Variants in ARHGAP19 observed in about 807,000 individuals in gnomAD.
The protein encoded by ARHGAP19 is Rho GTPase activating protein 19, also known as rho GTPase-activating protein 19.
Under a neutral mutation model 60.9 loss-of-function variants are expected in ARHGAP19, and 48 were observed. That is an observed-to-expected ratio of 0.79 (90% CI 0.62 to 1.00). The LOEUF (loss-of-function observed/expected upper bound fraction) is 1.00. Ranked by LOEUF, ARHGAP19 falls within the 50% of genes least tolerant of loss-of-function variation. The pLI is 0.00. For missense variants in ARHGAP19, 562 were observed against 597.2 expected, an observed-to-expected ratio of 0.94 and a Z score of 0.61; for synonymous variants, 209 against 215.5, an observed-to-expected ratio of 0.97 and a Z score of 0.27.
At chr10:97,228,350 C>T (rs919440282) in intron 11 of ARHGAP19, among the ~76,000 whole-genome samples, 1 of 152,212 alleles carries the variant, frequency 6.6e-6, no homozygotes, top group African/African-American at 2.4e-5. Context: ...CCGTTTTCTA[C>T]AGTAACAACT....
chr10:97,251,156 A>G (rs1842640717), intron 6 of ARHGAP19, among the ~76,000 whole-genome samples: 1 of 104,048 alleles, frequency 9.6e-6, no homozygotes, highest in African/African-American at 3.7e-5. Context: ...GGGGAAAGCC[A>G]AGGGGAAGGG....
chr10:97,264,181 A>G (rs1251071171), intron 3 of ARHGAP19, among the ~76,000 whole-genome samples: 1 of 152,164 alleles, frequency 6.6e-6, no homozygotes, highest in African/African-American at 2.4e-5. Flanking sequence ...GCCAGGCTCA[A>G]TGGCTCACGC....
intron 1 of ARHGAP19, among the ~76,000 whole-genome samples, chr10:97,271,852 T>A (rs1489148466): frequency 1.3e-5 from 2 of 151,868 alleles, no homozygotes; most frequent in Non-Finnish European, 2.9e-5. Flanking sequence ...CAAATACTTA[T>A]CAAAAATTTT....
In ARHGAP19 at chr10:97,229,344, G is replaced by C. The variant is rs922279773; in HGVS notation, c.1396-119C>G. On this transcript the variant is annotated intron_variant, in intron 10 of 11. Transcript: ENST00000358531. ...TGTGAAGAGTTTTTCTGAGACTGATGTATTTATATCTCATTAATCTTAACT... is the reference window on the plus strand; with the variant it reads ...TGTGAAGAGTTTTTCTGAGACTGATCTATTTATATCTCATTAATCTTAACT... 17 of 828,438 alleles carry C rather than the reference G, an allele frequency of 2.1e-5. No homozygotes were observed. In the East Asian group the frequency reaches 4.4e-4, roughly 21 times the overall value. 51.3% of individuals were successfully genotyped at this position (828,438 alleles called of 1,614,324 possible). A position where few individuals can be genotyped will look rare whatever the true frequency, so the allele number is the denominator to read the frequency against.
intron 7 of ARHGAP19, 59 bp from the exon 8 acceptor site, chr10:97,244,218 TC>T: frequency 6.9e-7 from 1 of 1,443,286 alleles, no homozygotes. Flanking sequence ...GTTTTGGGGT[TC>T]TTACAAAAAC....
intron 8 of ARHGAP19, among the ~76,000 whole-genome samples, chr10:97,242,324 C>CTTTTTTTTTTTTTTTTTTTTTT (rs1164708198): frequency 1.8e-5 from 1 of 55,796 alleles, no homozygotes; most frequent in Non-Finnish European, 3.5e-5. Flanking sequence ...TATCAGTGTT[C>CTTTTTTTTTTTTTTTTTTTTTT]TTTTTTTTTT....
intron 1 of ARHGAP19, among the ~76,000 whole-genome samples, chr10:97,270,218 A>C (rs895483165): frequency 6.6e-6 from 1 of 152,006 alleles, no homozygotes; most frequent in Non-Finnish European, 1.5e-5. Flanking sequence ...TTGTTATGTC[A>C]CACTTTAATT....
At position 97,222,403 on chromosome 10, in the gene ARHGAP19, A is replaced by G. The variant is rs566719155; in HGVS notation, c.*3719T>C. On this transcript the variant is annotated 3_prime_UTR_variant, in exon 12 of 12. Transcript: ENST00000358531. The stretch of plus-strand genomic sequence containing the variant: ...CCTGGGGTGAGGGAATATTTCCCCC[A>G]ACAGGTTCTATCTGTCCCCAGACAT... 3 of 152,358 alleles carry G rather than the reference A, an allele frequency of 2.0e-5. No homozygotes were observed. The East Asian group carries it at 5.8e-4, about 29-fold the overall frequency. 9.4% of individuals were successfully genotyped at this position (152,358 alleles called of 1,614,324 possible). A position where few individuals can be genotyped will look rare whatever the true frequency, so the allele number is the denominator to read the frequency against.
chr10:97,223,156 A>G lies in ARHGAP19; in HGVS notation c.*2966T>C, dbSNP rs1174403831. On this transcript the variant is annotated 3_prime_UTR_variant, in exon 12 of 12. Transcript: ENST00000358531. Reference sequence around the variant, plus strand: ...ACAGCCCTCCACTAGCCCATTTCCCAAGGGTGTTCCCTTGTCCTTCCTGAA... The same window carrying G: ...ACAGCCCTCCACTAGCCCATTTCCCGAGGGTGTTCCCTTGTCCTTCCTGAA... 1 of 152,098 alleles carries G rather than the reference A, an allele frequency of 6.6e-6. No homozygotes were observed. Among genetic ancestry groups the G allele is most frequent in the African/African-American group, 2.4e-5 (1 of 41,402 alleles). 9.4% of individuals were successfully genotyped at this position (152,098 alleles called of 1,614,324 possible).
chr10:97,239,641 CA>C (rs1187392048), intron 8 of ARHGAP19, among the ~76,000 whole-genome samples: 1 of 128,640 alleles, frequency 7.8e-6, no homozygotes, highest in Admixed American at 7.8e-5. Flanking sequence ...GATCCTGGAG[CA>C]AAAAAAAAGA....
intron 11 of ARHGAP19, among the ~76,000 whole-genome samples, chr10:97,228,891 T>C (rs569094965): frequency 2.0e-5 from 3 of 152,344 alleles, no homozygotes; most frequent in Non-Finnish European, 4.4e-5. Flanking sequence ...TTTTCCCCCA[T>C]GTGTCCTGTC....
At chr10:97,251,086 A>AAAGGGGAAGGGGAAAAGG (rs1246344368) in intron 6 of ARHGAP19, among the ~76,000 whole-genome samples, 3 of 141,966 alleles carry the variant, frequency 2.1e-5, no homozygotes, top group East Asian at 2.2e-4. Flanking sequence ...GAAGGAAGGG[A>AAAGGGGAAGGGGAAAAGG]AAGGGGAAGG....
chr10:97,228,453 G>C (rs907079693), intron 11 of ARHGAP19, among the ~76,000 whole-genome samples: 1 of 152,194 alleles, frequency 6.6e-6, no homozygotes, highest in African/African-American at 2.4e-5. Flanking sequence ...CTGTGAAGTA[G>C]ATGTAACTTT....
At chr10:97,239,553 T>TGG (rs1811140323) in intron 8 of ARHGAP19, among the ~76,000 whole-genome samples, 1 of 10,276 alleles carries the variant, frequency 9.7e-5, no homozygotes, top group African/African-American at 1.3e-4. Flanking sequence ...AGAGAGAGGG[T>TGG]GTGTGTGTGT....
intron 11 of ARHGAP19, among the ~76,000 whole-genome samples, chr10:97,227,595 C>G (rs1332327483): frequency 6.6e-6 from 1 of 152,186 alleles, no homozygotes; most frequent in African/African-American, 2.4e-5. Context: ...GAAGGCATTT[C>G]CAGATAGAGG....
At chr10:97,271,036 C>T (rs1361883620) in intron 1 of ARHGAP19, among the ~76,000 whole-genome samples, 1 of 151,840 alleles carries the variant, frequency 6.6e-6, no homozygotes, top group Non-Finnish European at 1.5e-5. Flanking sequence ...ATATGAAAAG[C>T]CAAATTTAAA....
chr10:97,244,722 G>C (rs1200312989), intron 7 of ARHGAP19, among the ~76,000 whole-genome samples: 1 of 152,150 alleles, frequency 6.6e-6, no homozygotes, highest in Non-Finnish European at 1.5e-5. Flanking sequence ...ACCAAATACT[G>C]TTTTCCTGGT....
intron 1 of ARHGAP19, among the ~76,000 whole-genome samples, chr10:97,288,768 C>T (rs1843188919): frequency 6.6e-6 from 1 of 151,344 alleles, no homozygotes; most frequent in Non-Finnish European, 1.5e-5. Flanking sequence ...ATATGTGTAT[C>T]CCGCCCTCAA....
At position 97,263,517 on chromosome 10, in the gene ARHGAP19, G is replaced by A. The variant is rs1842858201; in HGVS notation, c.516C>T (p.His172=). Residue 172 remains histidine (H), a synonymous_variant, in exon 4 of 12, where the codon CAC becomes CAT. Transcript: ENST00000358531. ...TCAGCAAAGTGGCAACATCATTTGA[G>A]TGAAATTCCCCTGATTCCAAGTCAA... ...TDIDLESGEF[H]SNDVATLLKM... The A allele has an allele frequency of 6.2e-7, 1 of 1,614,134 alleles. No individual in the cohort carries two copies. Among genetic ancestry groups the A allele is most frequent in the East Asian group, 2.2e-5 (1 of 44,868 alleles).
Sources: gnomAD v4.1 joint callset for allele counts (sites outside exome capture counted in the v4.1 genomes callset) on GRCh38, gnomAD v4.1.1 for gene constraint, MANE v1.5 for transcripts, NCBI Gene and HGNC (gene_info 2026-07-23, HGNC 2026-07-21) for gene names.